The following PTPA variants were observed in gnomAD, a reference collection of about 807,000 sequenced individuals.
PTPA encodes the protein serine/threonine-protein phosphatase 2A activator.
PTPA carries 13 observed loss-of-function variants against 43.6 expected under a neutral mutation model. That is an observed-to-expected ratio of 0.30 (90% CI 0.19 to 0.47). The LOEUF is 0.47. Ranked by LOEUF, PTPA falls within the 20% of genes least tolerant of loss-of-function variation. PTPA has a pLI of 0.99. For missense variants in PTPA, 329 were observed against 411.9 expected (o/e 0.80, Z 1.74); for synonymous variants, 172 against 158.2 (o/e 1.09, Z -0.66).
rs1389103635 is a variant in PTPA at position 129,123,070 on chromosome 9, G to A, written c.148G>A (p.Gly50Arg). 1.4e-5 allele frequency: 23 copies of A among 1,611,066 alleles called. No homozygotes were observed. Among genetic ancestry groups the A allele is most frequent in the Non-Finnish European group, 1.9e-5 (22 of 1,178,330 alleles). ...KRSQAYADYI[G>R]FILTLNEGVK... ...TTGGTAGGCATACGCTGACTACATC[G>A]GATTCATCCTTACCCTCAACGAAGG... is the stretch of plus-strand genomic sequence containing the variant. The change falls in exon 3 of 10, where the codon GGA becomes AGA. Residue 50 changes from glycine to arginine, a missense_variant. Coordinates refer to ENST00000393370, the MANE Select transcript of PTPA (RefSeq NM_178000.3).
At chr9:129,137,192 C>T (rs982922533) in intron 7 of PTPA, among the ~76,000 whole-genome samples, 2 of 152,180 alleles carry the variant, frequency 1.3e-5, no homozygotes, top group African/African-American at 2.4e-5. Context: ...GTTGTGGCCT[C>T]GGGTGCATTG....
At chr9:129,127,210 T>A (rs17486310) in intron 3 of PTPA, among the ~76,000 whole-genome samples, 5,487 of 152,156 alleles carry the variant, frequency 0.036, 323 homozygotes, top group African/African-American at 0.12. Context: ...CAAGCCTAGA[T>A]AAAGGGGAGA....
chr9:129,112,780 A>G (rs1848624981), intron 1 of PTPA, among the ~76,000 whole-genome samples: 1 of 152,124 alleles, frequency 6.6e-6, no homozygotes, highest in Non-Finnish European at 1.5e-5. Flanking sequence ...CGTCTCTTCT[A>G]AAAATACAAA....
At chr9:129,142,362 A>C in intron 8 of PTPA, 83 bp from the exon 9 acceptor site, 1 of 1,265,606 alleles carries the variant, frequency 7.9e-7, no homozygotes, top group Non-Finnish European at 1.1e-6. Context: ...GTGTGCATGC[A>C]TGGGTGTGAC....
intron 3 of PTPA, chr9:129,128,158 G>A: frequency 1.2e-6 from 1 of 819,822 alleles, no homozygotes; most frequent in South Asian, 1.4e-5. Flanking sequence ...GCTAAATGGT[G>A]TTTTAGCTGG....
chr9:129,136,262 C>T (rs780591053), intron 6 of PTPA, among the ~76,000 whole-genome samples: 8 of 152,292 alleles, frequency 5.3e-5, no homozygotes, highest in Admixed American at 2.0e-4. Context: ...CCACCGTGCC[C>T]GGGCCCTTAA....
upstream of PTPA, chr9:129,111,393 G>A (rs1848467829): frequency 8.1e-7 from 1 of 1,238,374 alleles, no homozygotes; most frequent in Non-Finnish European, 1.0e-6. Flanking sequence ...CCGTTAATAG[G>A]CTTGCTCCCT....
intron 1 of PTPA, among the ~76,000 whole-genome samples, chr9:129,117,306 C>T (rs547430078): frequency 2.2e-4 from 34 of 152,264 alleles, no homozygotes; most frequent in Non-Finnish European, 4.9e-4. Context: ...CTCGGCCTCC[C>T]GAAGTTTTGG....
chr9:129,121,689 C>T (rs1027608044), intron 2 of PTPA, among the ~76,000 whole-genome samples: 2 of 152,258 alleles, frequency 1.3e-5, no homozygotes, highest in Admixed American at 6.5e-5. Context: ...TGCCTTTCCC[C>T]AGCTGTCACA....
intron 5 of PTPA, 89 bp downstream of exon 5, chr9:129,131,728 T>A: frequency 7.8e-7 from 1 of 1,289,550 alleles, no homozygotes; most frequent in Non-Finnish European, 1.1e-6. Context: ...TCTGAGCAAG[T>A]GAGAGCAATC....
intron 1 of PTPA, among the ~76,000 whole-genome samples, chr9:129,112,741 A>T (rs892217106): frequency 1.3e-4 from 20 of 152,184 alleles, no homozygotes; most frequent in Non-Finnish European, 2.5e-4. Flanking sequence ...CGGGAGTTCG[A>T]GACCAGCCTG....
intron 5 of PTPA, among the ~76,000 whole-genome samples, 177 bp from the exon 6 acceptor site, chr9:129,134,618 A>T (rs1352318616): frequency 2.6e-5 from 4 of 152,016 alleles, no homozygotes; most frequent in South Asian, 2.1e-4. Flanking sequence ...CTGGTATTAT[A>T]GTTCTTGAAA....
chr9:129,143,254 C>T (rs1391713489), intron 9 of PTPA: 8 of 698,154 alleles, frequency 1.1e-5, no homozygotes, highest in Admixed American at 2.0e-5. Flanking sequence ...CTTCTGCTAG[C>T]TCCTCCCACT....
intron 5 of PTPA, among the ~76,000 whole-genome samples, chr9:129,133,539 C>T (rs1471050162): frequency 6.6e-6 from 1 of 152,216 alleles, no homozygotes; most frequent in Non-Finnish European, 1.5e-5. Context: ...CTTCTCACCT[C>T]CCTCCAGATA....
chr9:129,142,210 C>T (rs1850910010), intron 8 of PTPA: 2 of 423,214 alleles, frequency 4.7e-6, no homozygotes, highest in Non-Finnish European at 8.3e-6. Flanking sequence ...ATTTTCCTAG[C>T]AGGCCTTGAG....
In PTPA at chr9:129,147,345, G is replaced by A. The variant is rs78500694; in HGVS notation, c.895-42G>A. 5.1e-4 allele frequency: 806 copies of A among 1,594,924 alleles called. 2 individuals carry two copies. The African/African-American group carries it at 9.8e-3, about 19-fold the overall frequency. On this transcript the variant is annotated intron_variant, in intron 9 of 9. Transcript: ENST00000393370. ...TTGTTGGGGTCCTGGCAGGGGTGTG[G>A]TGTGGCCCTCACCACTCTGCTCACC...
chr9:129,147,383 A>T lies in PTPA; in HGVS notation c.895-4A>T. 1 of 1,613,730 alleles carries T rather than the reference A, an allele frequency of 6.2e-7. No homozygotes were observed. The highest frequency in any genetic ancestry group is 1.1e-5 in the South Asian group (1 of 91,064). ...CACTCTGCTCACCTGCTCCTTCCTC[A>T]CAGTGCCTGGAGAAGTTCCCTGTGA... is the stretch of plus-strand genomic sequence containing the variant. On this transcript the variant is annotated splice_polypyrimidine_tract_variant and splice_region_variant and intron_variant, in intron 9 of 9. Transcript: ENST00000393370.
intron 8 of PTPA, among the ~76,000 whole-genome samples, chr9:129,140,567 A>G (rs1850717677): frequency 6.6e-6 from 1 of 152,218 alleles, no homozygotes. Flanking sequence ...GCCAGGAGGC[A>G]GGGGCTCTTG....
At chr9:129,144,182 G>A (rs1851120240) in intron 9 of PTPA, among the ~76,000 whole-genome samples, 2 of 151,990 alleles carry the variant, frequency 1.3e-5, no homozygotes, top group South Asian at 4.2e-4. Flanking sequence ...CAGAGGATGA[G>A]GGAGGAGCAT....
Sources: gnomAD v4.1 joint callset for allele counts (sites outside exome capture counted in the v4.1 genomes callset) on GRCh38, gnomAD v4.1.1 for gene constraint, MANE v1.5 for transcripts, NCBI Gene and HGNC (gene_info 2026-07-23, HGNC 2026-07-21) for gene names.